Variants in STAU2 observed in about 807,000 individuals in gnomAD.
The protein encoded by STAU2 is staufen double-stranded RNA binding protein 2, also known as double-stranded RNA-binding protein Staufen homolog 2.
Under a neutral mutation model 65.9 loss-of-function variants are expected in STAU2, and 20 were observed. That is an observed-to-expected ratio of 0.30 (90% CI 0.21 to 0.44). The LOEUF (loss-of-function observed/expected upper bound fraction) is 0.44, where lower values mean the gene tolerates loss of function less well. Ranked by LOEUF, STAU2 falls within the 20% of genes least tolerant of loss-of-function variation. The probability of loss-of-function intolerance (pLI) is 1.00; values close to 1 mark genes in which losing one functional copy is unlikely to be tolerated. For missense variants in STAU2, 558 were observed against 683.9 expected (o/e 0.82, Z 2.05); for synonymous variants, 232 against 233.9 (o/e 0.99, Z 0.07).
At chr8:73,555,913 G>A (rs941067540) in intron 12 of STAU2, among the ~76,000 whole-genome samples, 1 of 151,880 alleles carries the variant, frequency 6.6e-6, no homozygotes, top group Non-Finnish European at 1.5e-5. Flanking sequence ...ACATGTGTTA[G>A]TTTTTTTATA....
chr8:73,651,490 G>A (rs375809863), intron 6 of STAU2: 17 of 699,676 alleles, frequency 2.4e-5, no homozygotes, highest in Admixed American at 3.7e-5. Context: ...GCCTCTTCTC[G>A]GAGTCACTGC....
At chr8:73,536,561 A>G (rs1188803650) in intron 13 of STAU2, among the ~76,000 whole-genome samples, 1 of 152,106 alleles carries the variant, frequency 6.6e-6, no homozygotes, top group Non-Finnish European at 1.5e-5. Flanking sequence ...TTCCTTGCTA[A>G]AGTTGTGACA....
intron 3 of STAU2, among the ~76,000 whole-genome samples, chr8:73,714,755 G>A (rs769149108): frequency 1.4e-4 from 22 of 152,046 alleles, no homozygotes; most frequent in Non-Finnish European, 3.1e-4. Context: ...GCCATTTTGA[G>A]TTACTTTTTG....
chr8:73,439,074 CA>C (rs1817927270), intron 13 of STAU2: 1 of 456,266 alleles, frequency 2.2e-6, no homozygotes, highest in African/African-American at 2.0e-5. Flanking sequence ...CTGGACTTCC[CA>C]GGGGGTTCTC....
At chr8:73,426,587 TTTCACTTCACA>T in intron 13 of STAU2, among the ~76,000 whole-genome samples, 1 of 152,360 alleles carries the variant, frequency 6.6e-6, no homozygotes, top group South Asian at 2.1e-4. Flanking sequence ...GCCCTGCTCA[TTTCACTTCACA>T]TTCGCCCAGT....
chr8:73,548,683 A>G (rs781421355), intron 13 of STAU2, among the ~76,000 whole-genome samples: 1 of 152,194 alleles, frequency 6.6e-6, no homozygotes, highest in Non-Finnish European at 1.5e-5. Context: ...TAGTTTAACT[A>G]AAACACCAAC....
In STAU2 at chr8:73,424,541, C is replaced by T. The variant is rs573094009; in HGVS notation, c.1531-1839G>A. ...GATATGGCTTTTCATAAATGAGCTT[C>T]GTAGCTCCTTTTTATTGCTGAATAA... On this transcript the variant is annotated intron_variant, in intron 13 of 14. Transcript: ENST00000524300. Among the ~76,000 whole-genome samples the T allele has an allele frequency of 1.7e-3, 257 of 152,048 alleles. 1 individual carries two copies. Among genetic ancestry groups the T allele is most frequent in the African/African-American group, 5.9e-3 (246 of 41,468 alleles).
intron 13 of STAU2, among the ~76,000 whole-genome samples, chr8:73,485,126 A>G (rs1820839751): frequency 6.9e-6 from 1 of 145,784 alleles, no homozygotes. Context: ...TTACCCTGAG[A>G]ACTACATCCT....
chr8:73,435,936 G>A (rs1050361540), intron 13 of STAU2, among the ~76,000 whole-genome samples: 5 of 151,854 alleles, frequency 3.3e-5, no homozygotes, highest in Non-Finnish European at 5.9e-5. Context: ...TCATGGCTGA[G>A]TTCTGCCTCC....
chr8:73,494,220 C>T (rs984495425), intron 13 of STAU2, among the ~76,000 whole-genome samples: 5 of 151,638 alleles, frequency 3.3e-5, no homozygotes, highest in Admixed American at 3.3e-4. Context: ...CTAAAGTACT[C>T]GGGGTGGAGG....
Position 73,531,492 on chromosome 8 carries a change from G to A in STAU2, c.1530+20520C>T, listed in dbSNP as rs905689254. On this transcript the variant is annotated intron_variant, in intron 13 of 14. Transcript: ENST00000524300. ...TTGAGGACCCAATTTCAAATTAAAC[G>A]TAATAATATGCTGATAAAAGGCCTT... is the stretch of plus-strand genomic sequence containing the variant. Among the ~76,000 whole-genome samples, 4 of 151,932 alleles carry A rather than the reference G, an allele frequency of 2.6e-5. No individual in the cohort carries two copies. In the East Asian group the frequency reaches 5.8e-4, roughly 22 times the overall value.
intron 13 of STAU2, among the ~76,000 whole-genome samples, chr8:73,519,770 C>T (rs1225999970): frequency 5.3e-5 from 8 of 152,288 alleles, no homozygotes; most frequent in Non-Finnish European, 4.4e-5. Flanking sequence ...TCAAGTGCCT[C>T]GTAAGTGCAA....
At chr8:73,506,817 C>A (rs1297198245) in intron 13 of STAU2, among the ~76,000 whole-genome samples, 4 of 152,194 alleles carry the variant, frequency 2.6e-5, no homozygotes, top group Admixed American at 6.5e-5. Context: ...AACCCTGCTG[C>A]TGTTTTATAA....
At chr8:73,550,674 T>G (rs1315030763) in intron 13 of STAU2, 61 of 984,736 alleles carry the variant, frequency 6.2e-5, no homozygotes, top group Non-Finnish European at 6.0e-6. Flanking sequence ...TTATTGTGTT[T>G]CTTAAGGTAA....
chr8:73,639,318 C>G (rs1023276272), intron 6 of STAU2, among the ~76,000 whole-genome samples: 6 of 152,008 alleles, frequency 3.9e-5, no homozygotes, highest in African/African-American at 1.4e-4. Flanking sequence ...CCCAGAAATT[C>G]CTTAATCATG....
intron 4 of STAU2, among the ~76,000 whole-genome samples, chr8:73,690,961 T>C (rs965032509): frequency 2.0e-5 from 3 of 152,186 alleles, no homozygotes; most frequent in Non-Finnish European, 2.9e-5. Context: ...ACAAAGAACT[T>C]TGCCACAAAG....
chr8:73,442,130 G>A (rs914495851), intron 13 of STAU2, among the ~76,000 whole-genome samples: 3 of 151,982 alleles, frequency 2.0e-5, no homozygotes, highest in East Asian at 1.9e-4. Flanking sequence ...CGAGGTGGGC[G>A]GATCACGAGG....
intron 12 of STAU2, among the ~76,000 whole-genome samples, chr8:73,576,975 G>A (rs6991856): frequency 0.02 from 3,109 of 152,194 alleles, 83 homozygotes; most frequent in African/African-American, 0.067. Context: ...GATCCCCATA[G>A]ACCTCTTAGA....
chr8:73,644,155 C>T (rs1815188366), intron 6 of STAU2, among the ~76,000 whole-genome samples: 1 of 152,176 alleles, frequency 6.6e-6, no homozygotes, highest in African/African-American at 2.4e-5. Flanking sequence ...AATCTCCAAA[C>T]ACTTGGAAAC....
Sources: allele counts gnomAD v4.1 joint callset (sites outside exome capture counted in the v4.1 genomes callset), GRCh38; gene constraint gnomAD v4.1.1; transcripts MANE v1.5; gene names NCBI Gene and HGNC (gene_info 2026-07-23, HGNC 2026-07-21).